The following SMIM45 variants were observed in gnomAD, a reference collection of about 807,000 sequenced individuals.
SMIM45 encodes the protein long intergenic non-protein coding RNA 634.
At chr22:41,957,667 C>G in the SMIM45 span, 1 of 153,156 alleles carries the variant, frequency 6.5e-6, no homozygotes, top group Non-Finnish European at 1.5e-5. Context: ...GCTGTGTCTC[C>G]GCAGCCAAGG....
chr22:41,957,034 G>C, the SMIM45 span, among the ~76,000 whole-genome samples: 13 of 152,080 alleles, frequency 8.5e-5, no homozygotes, highest in African/African-American at 3.1e-4. Context: ...GCCCACCTCG[G>C]CCTCCCAAAG....
chr22:41,950,733 C>T, the SMIM45 span, among the ~76,000 whole-genome samples: 3 of 152,134 alleles, frequency 2.0e-5, no homozygotes, highest in South Asian at 4.2e-4. Context: ...CAGTGGCTCA[C>T]GCCTGTAATC....
the SMIM45 span, among the ~76,000 whole-genome samples, chr22:41,955,515 A>G: frequency 3.3e-5 from 5 of 151,974 alleles, no homozygotes; most frequent in Admixed American, 6.5e-5. Flanking sequence ...TTAAAACTGC[A>G]AAGTACCCAG....
the SMIM45 span, chr22:41,958,205 C>T: frequency 2.3e-6 from 1 of 427,652 alleles, no homozygotes; most frequent in South Asian, 1.7e-5. Context: ...CTGCCCTCCA[C>T]TGGACTCAGG....
At chr22:41,953,701 A>G in the SMIM45 span, among the ~76,000 whole-genome samples, 6 of 142,092 alleles carry the variant, frequency 4.2e-5, no homozygotes, top group South Asian at 1.3e-3. Flanking sequence ...GCCCTGCATC[A>G]TCCTGTCCCT....
the SMIM45 span, among the ~76,000 whole-genome samples, chr22:41,956,826 T>C: frequency 6.6e-6 from 1 of 152,266 alleles, no homozygotes; most frequent in African/African-American, 2.4e-5. Flanking sequence ...AGTCGCTCTG[T>C]TGCCCAGGCT....
At chr22:41,958,344 A>T in the SMIM45 span, 64 of 456,528 alleles carry the variant, frequency 1.4e-4, no homozygotes, top group Non-Finnish European at 2.6e-4. Context: ...CCAAGGAAAG[A>T]ACCTAAGAAC....
the SMIM45 span, among the ~76,000 whole-genome samples, chr22:41,948,790 T>C: frequency 6.6e-6 from 1 of 151,912 alleles, no homozygotes; most frequent in Non-Finnish European, 1.5e-5. Context: ...AGGGTGGGCA[T>C]GGTGGTTCAC....
chr22:41,953,692 C>T, the SMIM45 span, among the ~76,000 whole-genome samples: 1 of 150,546 alleles, frequency 6.6e-6, no homozygotes, highest in African/African-American at 2.4e-5. Context: ...GTTCAATAGG[C>T]CCTGCATCAT....
chr22:41,946,976 C>T, the SMIM45 span: 741 of 1,603,044 alleles, frequency 4.6e-4, 1 homozygote, highest in South Asian at 5.6e-4. Flanking sequence ...AAGCACCGCC[C>T]AGGAGGAAAA....
At chr22:41,951,792 C>T in the SMIM45 span, among the ~76,000 whole-genome samples, 2 of 152,142 alleles carry the variant, frequency 1.3e-5, no homozygotes, top group Non-Finnish European at 2.9e-5. Flanking sequence ...ACATATGACC[C>T]CCTTGAGCTC....
chr22:41,949,238 C>T, the SMIM45 span, among the ~76,000 whole-genome samples: 1 of 142,766 alleles, frequency 7.0e-6, no homozygotes, highest in Non-Finnish European at 1.5e-5. Flanking sequence ...TGTGAGACTC[C>T]ATCTCAAAAA....
chr22:41,948,979 C>T, the SMIM45 span, among the ~76,000 whole-genome samples: 3 of 152,100 alleles, frequency 2.0e-5, no homozygotes, highest in Admixed American at 6.6e-5. Flanking sequence ...GTAGGAGAAT[C>T]GCTTGAACTT....
At chr22:41,955,249 T>C in the SMIM45 span, among the ~76,000 whole-genome samples, 2 of 151,814 alleles carry the variant, frequency 1.3e-5, no homozygotes, top group African/African-American at 4.8e-5. Flanking sequence ...GGCACAGTCG[T>C]GGCTCACTGG....
At chr22:41,951,684 T>C in the SMIM45 span, among the ~76,000 whole-genome samples, 100 of 152,318 alleles carry the variant, frequency 6.6e-4, no homozygotes, top group East Asian at 9.6e-4. Flanking sequence ...TGAGTTAATA[T>C]AATCAAAGCG....
the SMIM45 span, among the ~76,000 whole-genome samples, chr22:41,951,164 T>C: frequency 4.6e-5 from 7 of 152,256 alleles, no homozygotes; most frequent in African/African-American, 1.4e-4. Flanking sequence ...CCCAGGTTTC[T>C]GGGAACGGAT....
the SMIM45 span, among the ~76,000 whole-genome samples, chr22:41,947,756 C>G: frequency 6.7e-5 from 10 of 150,138 alleles, no homozygotes; most frequent in African/African-American, 2.2e-4. Context: ...GCTTCAAACT[C>G]CTGGGCTCAA....
chr22:41,954,694 G>C, the SMIM45 span, among the ~76,000 whole-genome samples: 2 of 152,210 alleles, frequency 1.3e-5, no homozygotes, highest in East Asian at 3.9e-4. Flanking sequence ...GAGCAGATGG[G>C]CACCTTTGGG....
the SMIM45 span, among the ~76,000 whole-genome samples, chr22:41,948,146 T>G: frequency 1.3e-5 from 2 of 152,246 alleles, no homozygotes; most frequent in South Asian, 4.1e-4. Flanking sequence ...ACTTGTTCAC[T>G]GTCTCTACAT....
Sources: allele counts gnomAD v4.1 joint callset (sites outside exome capture counted in the v4.1 genomes callset), GRCh38; gene constraint gnomAD v4.1.1; transcripts MANE v1.5; gene names NCBI Gene and HGNC (gene_info 2026-07-23, HGNC 2026-07-21).